The following EGF variants were observed in gnomAD, a reference collection of about 807,000 sequenced individuals.
EGF encodes epidermal growth factor.
A neutral mutation model predicts 143.8 loss-of-function variants in EGF; 95 were observed. The ratio of observed to expected loss-of-function variants is 0.66; its 90% CI spans 0.56 to 0.78. EGF has a LOEUF of 0.78. EGF is among the 30% of genes least tolerant of loss of function. The pLI is 0.00. For missense variants in EGF, 1,320 were observed against 1,470.9 expected, an observed-to-expected ratio of 0.90 and a Z score of 1.68; for synonymous variants, 510 against 510.5, an observed-to-expected ratio of 1.00 and a Z score of 0.01.
chr4:109,991,321 T>C (rs949347654), intron 18 of EGF, among the ~76,000 whole-genome samples: 5 of 152,204 alleles, frequency 3.3e-5, no homozygotes, highest in African/African-American at 1.2e-4. Flanking sequence ...CTTCTTAATA[T>C]GAACTAGATG....
At chr4:109,994,948 T>C (rs2126158044) in intron 20 of EGF, 68 bp downstream of exon 20, 1 of 1,602,316 alleles carries the variant, frequency 6.2e-7, no homozygotes, top group South Asian at 1.1e-5. Context: ...AGCTAATTTG[T>C]AAAATTTACA....
At position 110,013,476 on chromosome 4, in the gene EGF, T is replaced by C. The variant is rs371074354; in HGVS notation, c.*2021T>C. Among the ~76,000 whole-genome samples, 2 of 152,180 alleles carry C rather than the reference T, an allele frequency of 1.3e-5. No individual in the cohort carries two copies. Among genetic ancestry groups the C allele is most frequent in the African/African-American group, 4.8e-5 (2 of 41,456 alleles). On this transcript the variant is annotated 3_prime_UTR_variant, in exon 24 of 24. Transcript: ENST00000265171. ...GTCGGATTAAAGAAAAAACACACTT[T>C]GTGTTTTTTAATCACCAAGGCACCC...
intron 17 of EGF, 48 bp from the exon 18 acceptor site, chr4:109,988,536 A>T: frequency 2.5e-6 from 4 of 1,612,958 alleles, no homozygotes; most frequent in Non-Finnish European, 3.4e-6. Context: ...AGTCCCATTT[A>T]TATCAGGATT....
intron 1 of EGF, among the ~76,000 whole-genome samples, chr4:109,914,787 G>A (rs574901472): frequency 1.6e-4 from 25 of 152,300 alleles, no homozygotes; most frequent in African/African-American, 6.0e-4. Flanking sequence ...CTCAGACTCA[G>A]CTGTTGGAGA....
chr4:110,004,211 T>TACAC lies in EGF; in HGVS notation c.3174-291_3174-290insCACA, dbSNP rs201017416. 2,090 of 386,840 alleles carry TACAC rather than the reference T, an allele frequency of 5.4e-3. 25 individuals carry two copies. The East Asian group carries it at 0.058, about 11-fold the overall frequency. 24.0% of individuals were successfully genotyped at this position (386,840 alleles called of 1,614,324 possible). On this transcript the variant is annotated intron_variant, in intron 21 of 23. Coordinates refer to ENST00000265171, the MANE Select transcript of EGF (RefSeq NM_001963.6). The stretch of plus-strand genomic sequence containing the variant: ...CTATTCCCCCCAACATACATGGGCA[T>TACAC]ACATACACACACACACACACACACA...
Position 110,012,148 on chromosome 4 carries a change from G to A in EGF, c.*693G>A, listed in dbSNP as rs576246113. The A allele has an allele frequency of 6.6e-6, 1 of 152,148 alleles. No homozygotes were observed. Among genetic ancestry groups the A allele is most frequent in the African/African-American group, 2.4e-5 (1 of 41,416 alleles). 9.4% of individuals were successfully genotyped at this position (152,148 alleles called of 1,614,324 possible). The stretch of plus-strand genomic sequence containing the variant: ...CAGAATTTTCCCTCTTGGTGTGATT[G>A]CACAGAATTTGTATGTATTTTCAGT... On this transcript the variant is annotated 3_prime_UTR_variant, in exon 24 of 24. Transcript: ENST00000265171.
Position 110,004,545 on chromosome 4 carries a change from G to A in EGF, c.3214G>A (p.Glu1072Lys). 6.2e-7 allele frequency: 1 copy of A among 1,614,080 alleles called. No homozygotes were observed. The highest frequency in any genetic ancestry group is 8.5e-7 in the Non-Finnish European group (1 of 1,179,964). ...ATCGAAAAACCCAAAGAATCCTTAT[G>A]AGGAGTCGAGCAGAGATGTGAGGAG... ...LLSKNPKNPYEESSRDVRSRR... is the reference protein window; with the variant it reads ...LLSKNPKNPYKESSRDVRSRR... Residue 1072 changes from glutamate to lysine, a missense_variant, in exon 22 of 24, where the codon GAG becomes AAG. Glu to Lys is a moderately conservative substitution (Grantham distance 56). Coordinates refer to ENST00000265171, the MANE Select transcript of EGF (RefSeq NM_001963.6).
At chr4:110,002,622 A>G (rs544663605) in intron 21 of EGF, among the ~76,000 whole-genome samples, 136 of 151,512 alleles carry the variant, frequency 9.0e-4, no homozygotes, top group Non-Finnish European at 1.2e-3. Flanking sequence ...AACAGGAAGT[A>G]TTTCATCACA....
chr4:109,923,295 A>G lies in EGF; in HGVS notation c.127+9833A>G, dbSNP rs1738107183. On this transcript the variant is annotated intron_variant, in intron 1 of 23. Coordinates refer to ENST00000265171, the MANE Select transcript of EGF (RefSeq NM_001963.6). ...TGGGCTCAGGAAATAGCAATACGCCAACACTTCTTAATTTTACCTCATTTT... is the reference window on the plus strand; with the variant it reads ...TGGGCTCAGGAAATAGCAATACGCCGACACTTCTTAATTTTACCTCATTTT... Among the ~76,000 whole-genome samples the G allele has an allele frequency of 4.6e-5, 7 of 151,616 alleles. No individual in the cohort carries two copies. In the South Asian group the frequency reaches 1.4e-3, roughly 31 times the overall value.
chr4:109,923,901 G>A (rs947826768), intron 1 of EGF, among the ~76,000 whole-genome samples: 5 of 151,532 alleles, frequency 3.3e-5, no homozygotes, highest in African/African-American at 1.2e-4. Context: ...GATTATAGGT[G>A]TGAGCCACCA....
At position 109,944,070 on chromosome 4, in the gene EGF, G is replaced by GT; in HGVS notation, c.737+2dup. ...TCCACATTAGTAAACATCCAACACAGTAAGTTTTACTCTTGGTATAAAATA... is the reference window on the plus strand; with the variant it reads ...TCCACATTAGTAAACATCCAACACAGTTAAGTTTTACTCTTGGTATAAAATA... On this transcript the variant is annotated splice_donor_variant, in intron 4 of 23. Transcript: ENST00000265171. LOFTEE classifies it high-confidence loss of function. 6.2e-7 allele frequency: 1 copy of GT among 1,613,072 alleles called. No individual in the cohort carries two copies. Among genetic ancestry groups the GT allele is most frequent in the Non-Finnish European group, 8.5e-7 (1 of 1,179,186 alleles).
At chr4:109,950,982 A>G (rs377099536) in intron 5 of EGF, among the ~76,000 whole-genome samples, 14 of 151,894 alleles carry the variant, frequency 9.2e-5, no homozygotes, top group African/African-American at 3.4e-4. Context: ...TGCATTCCCA[A>G]TGCCTAAACG....
chr4:109,999,645 A>ATCTC, intron 20 of EGF, 34 bp from the exon 21 acceptor site: 1 of 1,614,170 alleles, frequency 6.2e-7, no homozygotes, highest in Non-Finnish European at 8.5e-7. Context: ...TTGGCCAGGC[A>ATCTC]TCTCTGATGA....
chr4:109,994,983 G>T (rs952704687), intron 20 of EGF, 103 bp downstream of exon 20: 6 of 1,461,780 alleles, frequency 4.1e-6, no homozygotes, highest in African/African-American at 1.4e-5. Context: ...CTGCAATTAG[G>T]TGTTCTTTTG....
intron 21 of EGF, chr4:110,001,616 A>G: frequency 1.0e-6 from 1 of 985,424 alleles, no homozygotes; most frequent in Non-Finnish European, 1.2e-6. Context: ...ATGATATAGT[A>G]TGTCTTATGT....
intron 21 of EGF, 140 bp downstream of exon 21, chr4:109,999,986 C>G: frequency 7.7e-7 from 1 of 1,290,606 alleles, no homozygotes. Flanking sequence ...GTGCAGTGAC[C>G]CATGCCTGCA....
At chr4:109,917,391 A>G (rs1246035768) in intron 1 of EGF, among the ~76,000 whole-genome samples, 1 of 152,264 alleles carries the variant, frequency 6.6e-6, no homozygotes, top group East Asian at 1.9e-4. Flanking sequence ...AAGCAAATTA[A>G]AAACCTTACT....
intron 18 of EGF, 93 bp downstream of exon 18, chr4:109,988,802 T>C: frequency 1.9e-6 from 3 of 1,574,456 alleles, no homozygotes; most frequent in Admixed American, 1.7e-5. Context: ...AGACAGGATA[T>C]AATTGGGGTG....
At chr4:110,001,801 T>G in intron 21 of EGF, 1 of 985,414 alleles carries the variant, frequency 1.0e-6, no homozygotes, top group Non-Finnish European at 1.2e-6. Flanking sequence ...AAAGGACTAT[T>G]CCTTCAAAAA....
Sources: gnomAD v4.1 joint callset for allele counts (sites outside exome capture counted in the v4.1 genomes callset) on GRCh38, gnomAD v4.1.1 for gene constraint, MANE v1.5 for transcripts, NCBI Gene and HGNC (gene_info 2026-07-23, HGNC 2026-07-21) for gene names.